The following KCND2 variants were observed in gnomAD, a reference collection of about 807,000 sequenced individuals.
KCND2 encodes the protein potassium voltage-gated channel subfamily D member 2.
A neutral mutation model predicts 54.4 loss-of-function variants in KCND2; 16 were observed. The observed-to-expected ratio is 0.29, with a 90% CI of 0.20 to 0.45. The LOEUF (loss-of-function observed/expected upper bound fraction) is 0.45, where lower values mean the gene tolerates loss of function less well. Ranked by LOEUF, KCND2 falls within the 20% of genes least tolerant of loss-of-function variation. The probability of loss-of-function intolerance (pLI) is 1.00; values close to 1 mark genes in which losing one functional copy is unlikely to be tolerated. For synonymous variants in KCND2, 317 were observed against 310.7 expected (o/e 1.02, Z -0.21); for missense variants, 486 against 824.2 (o/e 0.59, Z 5.02).
chr7:120,647,442 T>A (rs1287824229), intron 1 of KCND2, among the ~76,000 whole-genome samples: 2 of 152,214 alleles, frequency 1.3e-5, no homozygotes, highest in Admixed American at 1.3e-4. Context: ...CTGATAAAAC[T>A]GTTTCTTTTG....
chr7:120,325,097 C>T lies in KCND2; in HGVS notation c.1115+49350C>T, dbSNP rs1311944962. ...GGAGTTCACTCATGATTTGGCTCTC[C>T]GTTTGTCTGTTGTTGGTGTATAAGA... On this transcript the variant is annotated intron_variant, in intron 1 of 5. Coordinates refer to ENST00000331113, the MANE Select transcript of KCND2 (RefSeq NM_012281.3). Among the ~76,000 whole-genome samples the T allele has an allele frequency of 7.7e-4, 113 of 146,108 alleles. 1 individual carries two copies. Among genetic ancestry groups the T allele is most frequent in the African/African-American group, 2.5e-3 (97 of 39,144 alleles).
chr7:120,379,348 G>A (rs1339516761), intron 1 of KCND2, among the ~76,000 whole-genome samples: 7 of 152,014 alleles, frequency 4.6e-5, no homozygotes, highest in Admixed American at 3.3e-4. Flanking sequence ...TGAGGGAATC[G>A]TGGTACAGAT....
intron 1 of KCND2, among the ~76,000 whole-genome samples, chr7:120,318,473 A>T (rs1440647805): frequency 6.6e-6 from 1 of 152,146 alleles, no homozygotes; most frequent in Non-Finnish European, 1.5e-5. Flanking sequence ...GTGCTGAATC[A>T]ATACTTTTAT....
intron 1 of KCND2, among the ~76,000 whole-genome samples, chr7:120,711,030 G>C (rs772516355): frequency 1.5e-4 from 22 of 151,554 alleles, no homozygotes; most frequent in Non-Finnish European, 3.1e-4. Context: ...CAATTTATTT[G>C]GTGATATAAA....
At chr7:120,328,125 A>G (rs1800007727) in intron 1 of KCND2, among the ~76,000 whole-genome samples, 1 of 152,012 alleles carries the variant, frequency 6.6e-6, no homozygotes, top group Non-Finnish European at 1.5e-5. Flanking sequence ...GGCATTCCCA[A>G]CTGGACCTGG....
At chr7:120,720,550 C>T (rs112756939) in intron 1 of KCND2, among the ~76,000 whole-genome samples, 128 of 152,248 alleles carry the variant, frequency 8.4e-4, no homozygotes, top group African/African-American at 2.8e-3. Flanking sequence ...GTGGAAAGCA[C>T]TGGCAGGAGA....
intron 1 of KCND2, among the ~76,000 whole-genome samples, chr7:120,684,079 A>G (rs1479947114): frequency 1.3e-5 from 2 of 152,128 alleles, no homozygotes; most frequent in Non-Finnish European, 2.9e-5. Flanking sequence ...TAATAAGAAA[A>G]TGGAGTACTT....
intron 1 of KCND2, among the ~76,000 whole-genome samples, chr7:120,669,742 G>A (rs1791968671): frequency 6.6e-6 from 1 of 152,102 alleles, no homozygotes; most frequent in Admixed American, 6.5e-5. Context: ...ATAAGAGGCT[G>A]GGAGAAAACT....
At chr7:120,627,478 A>G (rs1793177888) in intron 1 of KCND2, among the ~76,000 whole-genome samples, 2 of 152,286 alleles carry the variant, frequency 1.3e-5, no homozygotes, top group East Asian at 3.9e-4. Flanking sequence ...ATTGATTTAT[A>G]TCAAATTTTC....
intron 1 of KCND2, among the ~76,000 whole-genome samples, chr7:120,637,029 A>G (rs929714992): frequency 2.6e-5 from 4 of 152,118 alleles, no homozygotes; most frequent in African/African-American, 9.6e-5. Flanking sequence ...CTCAAGGTCC[A>G]CGTGTAATTT....
intron 1 of KCND2, among the ~76,000 whole-genome samples, chr7:120,283,010 C>T (rs1225459955): frequency 6.6e-6 from 1 of 152,124 alleles, no homozygotes; most frequent in African/African-American, 2.4e-5. Flanking sequence ...GAACAAAATA[C>T]ATCTGGGTAA....
At chr7:120,722,040 T>C (rs931430501) in intron 1 of KCND2, among the ~76,000 whole-genome samples, 8 of 152,184 alleles carry the variant, frequency 5.3e-5, no homozygotes, top group Non-Finnish European at 1.2e-4. Flanking sequence ...TCCTCCATGA[T>C]TGTGAGTCTT....
rs555296021 is a variant in KCND2 at position 120,449,672 on chromosome 7, A to G, written c.1115+173925A>G. 2.0e-5 allele frequency among the ~76,000 whole-genome samples: 3 copies of G among 152,358 alleles called. No homozygotes were observed. The East Asian group carries it at 5.8e-4, about 29-fold the overall frequency. ...GAAGCAAATGCTTAATTTCTAAGCC[A>G]TTAAGATAATCATTCCTTCCAGAGA... On this transcript the variant is annotated intron_variant, in intron 1 of 5. Coordinates refer to ENST00000331113, the MANE Select transcript of KCND2 (RefSeq NM_012281.3).
intron 1 of KCND2, among the ~76,000 whole-genome samples, chr7:120,617,314 G>A (rs574257422): frequency 6.6e-6 from 1 of 152,034 alleles, no homozygotes; most frequent in East Asian, 1.9e-4. Flanking sequence ...AATGAAACCG[G>A]TTTAAACCAA....
chr7:120,584,468 TA>T (rs1792565294), intron 1 of KCND2, among the ~76,000 whole-genome samples: 1 of 152,236 alleles, frequency 6.6e-6, no homozygotes, highest in Non-Finnish European at 1.5e-5. Context: ...TTCACGCAGC[TA>T]AAATGGATTT....
At chr7:120,387,411 TAA>T (rs1021642805) in intron 1 of KCND2, among the ~76,000 whole-genome samples, 19 of 152,114 alleles carry the variant, frequency 1.2e-4, no homozygotes, top group African/African-American at 4.6e-4. Context: ...AAAAAATAAA[TAA>T]GTTAAAGAGT....
chr7:120,541,361 T>A (rs1163826238), intron 1 of KCND2, among the ~76,000 whole-genome samples: 1 of 152,038 alleles, frequency 6.6e-6, no homozygotes, highest in African/African-American at 2.4e-5. Context: ...AGAGGTGCTC[T>A]GATTGACTAT....
At chr7:120,338,294 A>G (rs1281505879) in intron 1 of KCND2, among the ~76,000 whole-genome samples, 2 of 152,106 alleles carry the variant, frequency 1.3e-5, no homozygotes, top group Non-Finnish European at 2.9e-5. Flanking sequence ...CTTACTTCTC[A>G]CTAGATAATA....
At chr7:120,461,346 T>C (rs1012503009) in intron 1 of KCND2, among the ~76,000 whole-genome samples, 1 of 152,152 alleles carries the variant, frequency 6.6e-6, no homozygotes, top group African/African-American at 2.4e-5. Context: ...CAAATTATAA[T>C]TACTTCTTTT....
Sources: allele counts gnomAD v4.1 joint callset (sites outside exome capture counted in the v4.1 genomes callset), GRCh38; gene constraint gnomAD v4.1.1; transcripts MANE v1.5; gene names NCBI Gene and HGNC (gene_info 2026-07-23, HGNC 2026-07-21).